GALNTL6: variants seen among roughly 807,000 people sequenced by gnomAD.
The protein encoded by GALNTL6 is polypeptide N-acetylgalactosaminyltransferase like 6, also known as polypeptide N-acetylgalactosaminyltransferase-like 6.
In GALNTL6, 46 loss-of-function variants were observed where a neutral mutation model predicts 73.7. That is an observed-to-expected ratio of 0.62 (90% CI 0.49 to 0.80). The LOEUF (loss-of-function observed/expected upper bound fraction) is 0.80. Ranked by LOEUF, GALNTL6 falls within the 30% of genes least tolerant of loss-of-function variation. GALNTL6 has a pLI of 0.00. For synonymous variants in GALNTL6, 259 were observed against 263.7 expected (o/e 0.98, Z 0.17); for missense variants, 604 against 755.0 (o/e 0.80, Z 2.34).
chr4:172,841,636 A>G (rs939274741), intron 7 of GALNTL6, among the ~76,000 whole-genome samples: 7 of 152,164 alleles, frequency 4.6e-5, no homozygotes, highest in Non-Finnish European at 7.4e-5. Context: ...GGCTGGAGAG[A>G]GAGAGTGTGT....
chr4:171,940,599 A>G (rs145732155), intron 2 of GALNTL6, among the ~76,000 whole-genome samples: 1 of 152,050 alleles, frequency 6.6e-6, no homozygotes, highest in Non-Finnish European at 1.5e-5. Flanking sequence ...AGGCAGGCAG[A>G]TCACTTGAGG....
intron 8 of GALNTL6, among the ~76,000 whole-genome samples, chr4:172,893,765 G>A (rs1242246320): frequency 1.3e-5 from 2 of 152,214 alleles, no homozygotes; most frequent in Non-Finnish European, 2.9e-5. Flanking sequence ...TGTTGCAGCT[G>A]CAGTGTGCAC....
chr4:172,660,116 G>C (rs1000913489), intron 5 of GALNTL6, among the ~76,000 whole-genome samples: 2 of 152,064 alleles, frequency 1.3e-5, no homozygotes, highest in Admixed American at 6.6e-5. Context: ...TAGAAAAGAG[G>C]AAAACAACCA....
chr4:171,998,375 C>A (rs547666367), intron 2 of GALNTL6, among the ~76,000 whole-genome samples: 1 of 152,196 alleles, frequency 6.6e-6, no homozygotes, highest in African/African-American at 2.4e-5. Context: ...CTTTCCTGGG[C>A]TTGTGAATGT....
intron 2 of GALNTL6, among the ~76,000 whole-genome samples, chr4:171,925,739 T>C (rs150157190): frequency 7.2e-4 from 109 of 152,190 alleles, no homozygotes; most frequent in African/African-American, 2.5e-3. Flanking sequence ...ATTTAAAAAA[T>C]TAATGTGAAA....
At chr4:172,086,241 A>C (rs1732029068) in intron 2 of GALNTL6, among the ~76,000 whole-genome samples, 1 of 152,124 alleles carries the variant, frequency 6.6e-6, no homozygotes. Context: ...ATGATTTTTA[A>C]ATGAGTAATA....
chr4:172,480,761 T>G (rs1048920452), intron 5 of GALNTL6, among the ~76,000 whole-genome samples: 21 of 152,190 alleles, frequency 1.4e-4, no homozygotes, highest in African/African-American at 3.9e-4. Context: ...GCAGGCAACT[T>G]GCTGAGTTGG....
intron 7 of GALNTL6, among the ~76,000 whole-genome samples, chr4:172,867,946 A>C (rs1744741909): frequency 6.6e-6 from 1 of 152,244 alleles, no homozygotes; most frequent in African/African-American, 2.4e-5. Context: ...ATGCACGGGC[A>C]GAAATAAGAG....
At chr4:172,048,138 A>G (rs561152254) in intron 2 of GALNTL6, among the ~76,000 whole-genome samples, 2 of 152,162 alleles carry the variant, frequency 1.3e-5, no homozygotes, top group Admixed American at 1.3e-4. Flanking sequence ...AGAACCAGCA[A>G]GTTTCAAAGT....
At chr4:172,515,983 C>T (rs1734592754) in intron 5 of GALNTL6, among the ~76,000 whole-genome samples, 1 of 152,128 alleles carries the variant, frequency 6.6e-6, no homozygotes, top group East Asian at 1.9e-4. Flanking sequence ...ACTCTATATG[C>T]ATATCTATCT....
At chr4:172,647,172 G>A (rs1429617815) in intron 5 of GALNTL6, among the ~76,000 whole-genome samples, 1 of 152,024 alleles carries the variant, frequency 6.6e-6, no homozygotes, top group Non-Finnish European at 1.5e-5. Context: ...TGTCAGTTAA[G>A]CCCATCCTCA....
intron 2 of GALNTL6, among the ~76,000 whole-genome samples, chr4:171,908,999 TG>T (rs1225330436): frequency 0.023 from 1,301 of 57,766 alleles, 29 homozygotes; most frequent in African/African-American, 0.078. Flanking sequence ...TGTTGTGGGG[TG>T]GGGGGAGGGA....
intron 5 of GALNTL6, among the ~76,000 whole-genome samples, chr4:172,723,818 AT>A (rs1735637903): frequency 6.6e-6 from 1 of 152,082 alleles, no homozygotes; most frequent in Non-Finnish European, 1.5e-5. Context: ...GTGGTTTAAT[AT>A]TCTTTTTGTG....
intron 2 of GALNTL6, among the ~76,000 whole-genome samples, chr4:171,879,373 T>C (rs915001671): frequency 1.3e-5 from 2 of 152,182 alleles, no homozygotes; most frequent in Non-Finnish European, 2.9e-5. Context: ...GTGCTTTTTT[T>C]CTACATTTTT....
At chr4:172,421,246 A>G (rs1731045120) in intron 5 of GALNTL6, among the ~76,000 whole-genome samples, 1 of 152,154 alleles carries the variant, frequency 6.6e-6, no homozygotes, top group Admixed American at 6.6e-5. Context: ...TATTGAATAC[A>G]TTTGCCTCTA....
intron 4 of GALNTL6, among the ~76,000 whole-genome samples, chr4:172,337,040 T>C (rs187934330): frequency 6.6e-6 from 1 of 152,330 alleles, no homozygotes; most frequent in Non-Finnish European, 1.5e-5. Context: ...TTTCCCTTTT[T>C]TGCTGTCATT....
chr4:172,023,385 A>G (rs1261966032), intron 2 of GALNTL6, among the ~76,000 whole-genome samples: 4 of 151,802 alleles, frequency 2.6e-5, no homozygotes, highest in Non-Finnish European at 5.9e-5. Context: ...CATAACTGCT[A>G]TGCAATTATC....
intron 2 of GALNTL6, among the ~76,000 whole-genome samples, chr4:171,906,727 T>C (rs991629444): frequency 3.9e-5 from 6 of 152,188 alleles, no homozygotes; most frequent in African/African-American, 1.4e-4. Context: ...TTGATGAACA[T>C]TGATGCAAAA....
At chr4:172,938,436 C>T (rs1028971217) in intron 9 of GALNTL6, among the ~76,000 whole-genome samples, 7 of 152,172 alleles carry the variant, frequency 4.6e-5, no homozygotes, top group African/African-American at 1.2e-4. Flanking sequence ...GTCAGGCAAA[C>T]GCAACTCGCC....
Sources: gnomAD v4.1 joint callset for allele counts (sites outside exome capture counted in the v4.1 genomes callset) on GRCh38, gnomAD v4.1.1 for gene constraint, MANE v1.5 for transcripts, NCBI Gene and HGNC (gene_info 2026-07-23, HGNC 2026-07-21) for gene names.